CASP9: variants seen among roughly 807,000 people sequenced by gnomAD.
The protein encoded by CASP9 is caspase-9.
A neutral mutation model predicts 43.5 loss-of-function variants in CASP9; 29 were observed. The observed-to-expected ratio is 0.67, with a 90% CI of 0.50 to 0.91. The LOEUF (loss-of-function observed/expected upper bound fraction) is 0.91. Among genes scored for constraint, CASP9 ranks in the 40% least tolerant of loss-of-function variants. The pLI, the probability that CASP9 is intolerant of heterozygous loss-of-function variation, is 0.00. For missense variants in CASP9, 575 were observed against 537.4 expected, an observed-to-expected ratio of 1.07 and a Z score of -0.69; for synonymous variants, 206 against 211.9, an observed-to-expected ratio of 0.97 and a Z score of 0.24.
rs575913317 is a variant in CASP9 at position 15,520,492 on chromosome 1, G to A, written c.133-2097C>T. On this transcript the variant is annotated intron_variant, in intron 1 of 8. Transcript: ENST00000333868. ...TTGTTGCATTGCTAATATAACTTAG[G>A]AATAACCGGCGGGTATAGGGTCAGG... Among the ~76,000 whole-genome samples the A allele has an allele frequency of 2.6e-5, 4 of 152,296 alleles. No homozygotes were observed. The East Asian group carries it at 7.7e-4, about 29-fold the overall frequency.
At chr1:15,524,575 G>GCACTGACCTCACGTCCCCT, upstream of CASP9, 1 of 441,240 alleles carries the variant, frequency 2.3e-6, no homozygotes, top group South Asian at 3.4e-5. Context: ...CCGTATCCCC[G>GCACTGACCTCACGTCCCCT]CACTGACCTC....
At chr1:15,499,019 G>C (rs1194898886) in intron 6 of CASP9, among the ~76,000 whole-genome samples, 1 of 152,174 alleles carries the variant, frequency 6.6e-6, no homozygotes, top group Non-Finnish European at 1.5e-5. Flanking sequence ...TGACAGGCGT[G>C]AGCCACCGCC....
rs750432524 is a variant in CASP9, at chr1:15,506,019, C to T, written c.691G>A (p.Val231Met). The T allele has an allele frequency of 1.3e-5, 21 of 1,614,072 alleles. No individual in the cohort carries two copies. The highest frequency in any genetic ancestry group is 1.6e-4 in the Middle Eastern group (1 of 6,084). Residue 231 changes from valine (V) to methionine (M), a missense_variant, in exon 5 of 9, where the codon GTG becomes ATG. Coordinates refer to ENST00000333868, the MANE Select transcript of CASP9 (RefSeq NM_001229.5). Reference sequence around the variant, plus strand: ...CAGCCGTGAGAGAGAATGACCACCACGCAGCAGTCCAGAGCACCGTGGTCC... The same window carrying T: ...CAGCCGTGAGAGAGAATGACCACCATGCAGCAGTCCAGAGCACCGTGGTCC... ...QQDHGALDCC[V>M]VVILSHGCQA...
chr1:15,492,770 TGTC>T lies in CASP9; in HGVS notation c.*170_*172del, dbSNP rs1254137645. ...CCCTCTTCCTCCACTGTTCAGCACT[TGTC>T]GTCAATCTGGAAGCTGCTAAGAGCC... On this transcript the variant is annotated 3_prime_UTR_variant, in exon 9 of 9. Coordinates refer to ENST00000333868, the MANE Select transcript of CASP9 (RefSeq NM_001229.5). 4 of 868,322 alleles carry T rather than the reference TGTC, an allele frequency of 4.6e-6. No homozygotes were observed. Among genetic ancestry groups the T allele is most frequent in the Admixed American group, 5.3e-5 (2 of 37,592 alleles). The allele number at this position is 868,322 out of a possible 1,614,324, so 53.8% of individuals were successfully genotyped here.
chr1:15,500,163 GA>G (rs1005026981), intron 6 of CASP9, among the ~76,000 whole-genome samples: 8 of 150,694 alleles, frequency 5.3e-5, no homozygotes, highest in Admixed American at 1.3e-4. Context: ...ACATACTGCA[GA>G]AAAAAAAAGA....
At chr1:15,523,908 T>C (rs946642363) in intron 1 of CASP9, among the ~76,000 whole-genome samples, 161 bp downstream of exon 1, 1 of 152,222 alleles carries the variant, frequency 6.6e-6, no homozygotes, top group Non-Finnish European at 1.5e-5. Context: ...GAGTATGGCA[T>C]GGAATCGCTT....
intron 4 of CASP9, among the ~76,000 whole-genome samples, chr1:15,506,383 G>C (rs562982901): frequency 1.7e-4 from 26 of 152,100 alleles, no homozygotes; most frequent in Non-Finnish European, 3.2e-4. Context: ...TTGAACCTGG[G>C]AGGTGGAGGT....
intron 2 of CASP9, among the ~76,000 whole-genome samples, chr1:15,512,552 T>A (rs1471078618): frequency 1.3e-5 from 2 of 152,152 alleles, no homozygotes; most frequent in East Asian, 3.8e-4. Flanking sequence ...AGACTCAGAC[T>A]GGAACTACAC....
chr1:15,524,043 G>T, intron 1 of CASP9, 26 bp downstream of exon 1: 1 of 1,418,766 alleles, frequency 7.0e-7, no homozygotes, highest in Middle Eastern at 2.4e-4. Flanking sequence ...GCCGTGCAGC[G>T]CGGGGACAGG....
chr1:15,513,560 T>C (rs1037843758), intron 2 of CASP9, among the ~76,000 whole-genome samples: 5 of 152,132 alleles, frequency 3.3e-5, no homozygotes, highest in African/African-American at 1.2e-4. Flanking sequence ...CGTGTTCAGC[T>C]TCATAGCACT....
chr1:15,524,419 T>TCCA (rs1710362974), upstream of CASP9: 2 of 1,112,836 alleles, frequency 1.8e-6, no homozygotes, highest in African/African-American at 3.3e-5. Flanking sequence ...GACGCACCTC[T>TCCA]GCGCCTCGCC....
rs568350523 is a variant in CASP9, at chr1:15,499,443, C to T, written c.869-3991G>A. ...AGTGTTATCATTTGTACTTCTTGCA[C>T]TATGGCAAATCCTTTTCTAGAATCA... On this transcript the variant is annotated intron_variant, in intron 6 of 8. Coordinates refer to ENST00000333868, the MANE Select transcript of CASP9 (RefSeq NM_001229.5). Among the ~76,000 whole-genome samples the T allele has an allele frequency of 4.6e-5, 7 of 152,286 alleles. No homozygotes were observed. In the East Asian group the frequency reaches 7.7e-4, roughly 17 times the overall value.
chr1:15,498,461 C>CA (rs199896576), intron 6 of CASP9, among the ~76,000 whole-genome samples: 1 of 151,686 alleles, frequency 6.6e-6, no homozygotes. Context: ...GCAATCACCC[C>CA]AAAAAAATGG....
chr1:15,519,413 C>T (rs1349270693), intron 1 of CASP9, among the ~76,000 whole-genome samples: 1 of 152,178 alleles, frequency 6.6e-6, no homozygotes, highest in Non-Finnish European at 1.5e-5. Context: ...AACTCCTGAC[C>T]TCAAGCGATC....
At chr1:15,500,966 T>C (rs4646075) in intron 6 of CASP9, among the ~76,000 whole-genome samples, 41,799 of 151,608 alleles carry the variant, frequency 0.28, 6,612 homozygotes, top group African/African-American at 0.42. Flanking sequence ...ACAAATCTGA[T>C]GTGAAGGCCT....
At chr1:15,493,059 C>T (rs1202490050) in intron 8 of CASP9, 24 bp from the exon 9 acceptor site, 4 of 1,613,392 alleles carry the variant, frequency 2.5e-6, no homozygotes, top group Admixed American at 3.3e-5. Context: ...CCATGGAGAG[C>T]TCTGTGAGTT....
At chr1:15,509,659 C>T (rs561809554) in intron 2 of CASP9, among the ~76,000 whole-genome samples, 5 of 149,886 alleles carry the variant, frequency 3.3e-5, no homozygotes, top group Admixed American at 1.3e-4. Flanking sequence ...AGAAAGAAAA[C>T]GTGCTGCGTG....
At chr1:15,515,164 G>C (rs2103367839) in intron 2 of CASP9, among the ~76,000 whole-genome samples, 1 of 152,268 alleles carries the variant, frequency 6.6e-6, no homozygotes, top group South Asian at 2.1e-4. Context: ...CTGACTGTTG[G>C]TCCTAAATGA....
chr1:15,491,420 A>C lies in CASP9; in HGVS notation c.*1523T>G. On this transcript the variant is annotated 3_prime_UTR_variant, in exon 9 of 9. Transcript: ENST00000333868. ...ATCACATCTTGATGAGGGTTTTATT[A>C]TTATTATTAATTCAGAAATCCATCC... The C allele has an allele frequency of 7.0e-7, 1 of 1,421,064 alleles. No individual in the cohort carries two copies. The highest frequency in any genetic ancestry group is 2.4e-5 in the East Asian group (1 of 42,530). 88.0% of individuals were successfully genotyped at this position (1,421,064 alleles called of 1,614,324 possible). A position where few individuals can be genotyped will look rare whatever the true frequency, so the allele number is the denominator to read the frequency against.
Sources: allele counts gnomAD v4.1 joint callset (sites outside exome capture counted in the v4.1 genomes callset), GRCh38; gene constraint gnomAD v4.1.1; transcripts MANE v1.5; gene names NCBI Gene and HGNC (gene_info 2026-07-23, HGNC 2026-07-21).